Variants in EFHC1 observed in about 807,000 individuals in gnomAD.
EFHC1 encodes EF-hand domain containing 1, also known as EF-hand domain-containing protein 1.
In EFHC1, 53 loss-of-function variants were observed where a neutral mutation model predicts 69.9. That is an observed-to-expected ratio of 0.76 (90% CI 0.61 to 0.95). The LOEUF is 0.95. EFHC1 is among the 40% of genes least tolerant of loss of function. The pLI, the probability that EFHC1 is intolerant of heterozygous loss-of-function variation, is 0.00. For synonymous variants in EFHC1, 256 were observed against 278.4 expected, an observed-to-expected ratio of 0.92 and a Z score of 0.80; for missense variants, 739 against 798.7, an observed-to-expected ratio of 0.93 and a Z score of 0.90.
In EFHC1 at chr6:52,488,106, G is replaced by A. The variant is rs573811998; in HGVS notation, c.1641-2034G>A. 2.0e-5 allele frequency: 3 copies of A among 152,304 alleles called. No homozygotes were observed. In the South Asian group the frequency reaches 6.2e-4, roughly 32 times the overall value. The allele number at this position is 152,304 out of a possible 1,614,324, so 9.4% of individuals were successfully genotyped here. ...ATCTGGCTTCTTTGGGAAAGGGAGA[G>A]TTATTGTCTCTTTCCCCAAATGATT... On this transcript the variant is annotated intron_variant, in intron 9 of 10. Transcript: ENST00000371068.
rs1581846971 is a variant in EFHC1 at position 52,479,123 on chromosome 6, T to C, written c.1365T>C (p.Pro455=). The part of the protein sequence containing the change: ...ATDMISIFEP[P]VRNSGIIGGK... ...ACATGATCAGTATCTTTGAGCCTCC[T>C]GTTCGCAATTCTGGTATCATTGGGG... The change falls in exon 8 of 11, where the codon CCT becomes CCC. Residue 455 remains proline (P), a synonymous_variant. Coordinates refer to ENST00000371068, the MANE Select transcript of EFHC1 (RefSeq NM_018100.4). The C allele has an allele frequency of 6.2e-7, 1 of 1,614,180 alleles. No individual in the cohort carries two copies. Among genetic ancestry groups the C allele is most frequent in the Non-Finnish European group, 8.5e-7 (1 of 1,180,004 alleles).
intron 6 of EFHC1, among the ~76,000 whole-genome samples, chr6:52,467,781 T>C (rs1340320897): frequency 6.6e-6 from 1 of 152,208 alleles, no homozygotes; most frequent in East Asian, 1.9e-4. Context: ...AATAAATAGC[T>C]CTATAATAAA....
At position 52,495,256 on chromosome 6, in the gene EFHC1, A is replaced by G; in HGVS notation, c.*2915A>G. ...AGACTGTTTCAGGGGAGAACCAGGTACCCCAAATCTTATGCTCTCCAAACT... is the reference window on the plus strand; with the variant it reads ...AGACTGTTTCAGGGGAGAACCAGGTGCCCCAAATCTTATGCTCTCCAAACT... On this transcript the variant is annotated 3_prime_UTR_variant, in exon 11 of 11. Coordinates refer to ENST00000371068, the MANE Select transcript of EFHC1 (RefSeq NM_018100.4). 1 of 454,082 alleles carries G rather than the reference A, an allele frequency of 2.2e-6. No individual in the cohort carries two copies. Among genetic ancestry groups the G allele is most frequent in the Non-Finnish European group, 4.4e-6 (1 of 226,770 alleles). The allele number at this position is 454,082 out of a possible 1,614,324, so 28.1% of individuals were successfully genotyped here.
intron 6 of EFHC1, chr6:52,469,124 A>T: frequency 1.7e-6 from 1 of 591,548 alleles, no homozygotes. Context: ...GAGCATCATC[A>T]GTTACTTCTG....
intron 4 of EFHC1, chr6:52,453,817 T>C (rs1039959870): frequency 2.3e-6 from 3 of 1,303,128 alleles, no homozygotes; most frequent in Admixed American, 2.3e-5. Context: ...AGCTTCTCTT[T>C]CACTGACTAA....
chr6:52,480,765 A>G (rs1581848258), intron 9 of EFHC1, among the ~76,000 whole-genome samples: 2 of 152,310 alleles, frequency 1.3e-5, no homozygotes, highest in Middle Eastern at 3.4e-3. Flanking sequence ...AAATACTAGC[A>G]ATATTTTACT....
intron 4 of EFHC1, chr6:52,453,091 C>A: frequency 2.0e-6 from 3 of 1,465,932 alleles, no homozygotes; most frequent in Non-Finnish European, 2.7e-6. Flanking sequence ...ACATTTAAAT[C>A]TCAAAGCAAT....
intron 6 of EFHC1, 123 bp from the exon 7 acceptor site, chr6:52,469,210 T>G: frequency 7.9e-7 from 1 of 1,268,296 alleles, no homozygotes; most frequent in Non-Finnish European, 1.1e-6. Flanking sequence ...TATATTTGTT[T>G]ATGTAGAAAA....
intron 9 of EFHC1, chr6:52,482,648 T>C: frequency 2.5e-6 from 1 of 394,440 alleles, no homozygotes. Flanking sequence ...GCTTTCAATG[T>C]TATAAAATAT....
chr6:52,451,519 G>A (rs1764916005), intron 3 of EFHC1, among the ~76,000 whole-genome samples: 2 of 152,090 alleles, frequency 1.3e-5, no homozygotes, highest in African/African-American at 4.8e-5. Flanking sequence ...AGCCTGATGG[G>A]GTTCCCTTTG....
chr6:52,420,519 A>G, intron 1 of EFHC1, 46 bp downstream of exon 1: 1 of 1,612,674 alleles, frequency 6.2e-7, no homozygotes, highest in Non-Finnish European at 8.5e-7. Context: ...ACCTTCCAGC[A>G]GCCCAGGAGG....
intron 7 of EFHC1, among the ~76,000 whole-genome samples, chr6:52,477,890 T>C (rs1001377664): frequency 6.6e-6 from 1 of 152,184 alleles, no homozygotes; most frequent in Non-Finnish European, 1.5e-5. Flanking sequence ...GATCTAGAAC[T>C]GGAAATACCA....
At chr6:52,480,793 A>G (rs1406250430) in intron 9 of EFHC1, among the ~76,000 whole-genome samples, 1 of 152,214 alleles carries the variant, frequency 6.6e-6, no homozygotes, top group Non-Finnish European at 1.5e-5. Context: ...CTCAAGGAAC[A>G]TTGGGAAGAA....
chr6:52,443,229 C>T (rs1483020701), intron 3 of EFHC1, among the ~76,000 whole-genome samples: 1 of 152,148 alleles, frequency 6.6e-6, no homozygotes. Flanking sequence ...TTCTCCCATT[C>T]TGTAGGTTGC....
intron 5 of EFHC1, among the ~76,000 whole-genome samples, chr6:52,463,124 T>G (rs1032454112): frequency 1.7e-4 from 26 of 151,166 alleles, no homozygotes; most frequent in African/African-American, 5.6e-4. Context: ...GCCTCCCGGG[T>G]TCACACCATT....
intron 2 of EFHC1, among the ~76,000 whole-genome samples, chr6:52,424,969 T>A (rs1022735201): frequency 6.6e-6 from 1 of 152,242 alleles, no homozygotes; most frequent in East Asian, 1.9e-4. Context: ...GTTTCTTTTC[T>A]TGTCTTAATT....
rs987316229 is a variant in EFHC1 at position 52,479,088 on chromosome 6, C to A, written c.1330C>A (p.Leu444Ile). 11 of 1,614,150 alleles carry A rather than the reference C, an allele frequency of 6.8e-6. No individual in the cohort carries two copies. Among genetic ancestry groups the A allele is most frequent in the South Asian group, 1.1e-5 (1 of 91,088 alleles). Residue 444 changes from leucine to isoleucine, a missense_variant, in exon 8 of 11, where the codon CTA becomes ATA. Leu to Ile is a conservative substitution (Grantham distance 5, BLOSUM62 2). Coordinates refer to ENST00000371068, the MANE Select transcript of EFHC1 (RefSeq NM_018100.4). ...KDRRFVFSYF[L>I]ATDMISIFEP... is the part of the protein sequence containing the mutation. ...CCGCAGATTTGTCTTCTCTTACTTT[C>A]TAGCTACCGACATGATCAGTATCTT...
chr6:52,495,081 G>A lies in EFHC1; in HGVS notation c.*2740G>A, dbSNP rs767470170. 14 of 453,872 alleles carry A rather than the reference G, an allele frequency of 3.1e-5. No homozygotes were observed. The highest frequency in any genetic ancestry group is 1.2e-4 in the South Asian group (8 of 64,468). The allele number at this position is 453,872 out of a possible 1,614,324, so 28.1% of individuals were successfully genotyped here. ...GACCCAGTCTGTACCTGATCACCCCGGCTCTAATGGTATGGTCTCCAAGGC... is the reference window on the plus strand; with the variant it reads ...GACCCAGTCTGTACCTGATCACCCCAGCTCTAATGGTATGGTCTCCAAGGC... On this transcript the variant is annotated 3_prime_UTR_variant, in exon 11 of 11. Coordinates refer to ENST00000371068, the MANE Select transcript of EFHC1 (RefSeq NM_018100.4).
chr6:52,466,368 C>T (rs1027362850), intron 6 of EFHC1, among the ~76,000 whole-genome samples: 5 of 152,136 alleles, frequency 3.3e-5, no homozygotes, highest in Admixed American at 1.3e-4. Flanking sequence ...GGAACTTTTG[C>T]TTGTGCTCTT....
Sources: gnomAD v4.1 joint callset for allele counts (sites outside exome capture counted in the v4.1 genomes callset) on GRCh38, gnomAD v4.1.1 for gene constraint, MANE v1.5 for transcripts, NCBI Gene and HGNC (gene_info 2026-07-23, HGNC 2026-07-21) for gene names.